INPP4B: variants seen among roughly 807,000 people sequenced by gnomAD.
The protein encoded by INPP4B is inositol polyphosphate-4-phosphatase type II B, also known as inositol polyphosphate 4-phosphatase type II.
INPP4B carries 55 observed loss-of-function variants against 122.5 expected under a neutral mutation model. That is an observed-to-expected ratio of 0.45 (90% confidence interval 0.36 to 0.56). The LOEUF (loss-of-function observed/expected upper bound fraction) is 0.56. INPP4B is among the 20% of genes least tolerant of loss of function. INPP4B has a pLI of 0.00. For synonymous variants in INPP4B, 403 were observed against 388.7 expected (o/e 1.04, Z -0.43); for missense variants, 1,000 against 1,097.7 (o/e 0.91, Z 1.26).
intron 2 of INPP4B, among the ~76,000 whole-genome samples, chr4:142,562,095 G>C (rs577626678): frequency 5.5e-4 from 83 of 152,194 alleles, no homozygotes; most frequent in African/African-American, 2.0e-3. Context: ...GAGGAAAGAA[G>C]GTTTTAACAT....
At chr4:142,524,975 A>G (rs1204671215) in intron 2 of INPP4B, among the ~76,000 whole-genome samples, 1 of 152,192 alleles carries the variant, frequency 6.6e-6, no homozygotes, top group East Asian at 1.9e-4. Flanking sequence ...ACATGATTGT[A>G]TATCTAGAAA....
At chr4:142,280,830 T>C (rs540276688) in intron 9 of INPP4B, among the ~76,000 whole-genome samples, 9 of 152,122 alleles carry the variant, frequency 5.9e-5, no homozygotes, top group Middle Eastern at 3.4e-3. Flanking sequence ...ATTTCTGACA[T>C]TTACTTGGAA....
At chr4:142,721,258 A>C (rs143060250) in intron 2 of INPP4B, among the ~76,000 whole-genome samples, 445 of 152,238 alleles carry the variant, frequency 2.9e-3, no homozygotes, top group Middle Eastern at 0.02. Flanking sequence ...AGCTTTCCAA[A>C]TAACCATGAC....
At chr4:142,616,649 C>G (rs151013883) in intron 2 of INPP4B, among the ~76,000 whole-genome samples, 1 of 152,196 alleles carries the variant, frequency 6.6e-6, no homozygotes, top group Admixed American at 6.5e-5. Flanking sequence ...CATCTTTTCA[C>G]GTGCAGCATT....
At chr4:142,439,370 A>C (rs1811217193) in intron 3 of INPP4B, among the ~76,000 whole-genome samples, 1 of 151,748 alleles carries the variant, frequency 6.6e-6, no homozygotes, top group African/African-American at 2.4e-5. Context: ...CTGCTCTCTC[A>C]CCTTTATCCT....
intron 21 of INPP4B, among the ~76,000 whole-genome samples, chr4:142,117,615 T>A (rs6811160): frequency 0.13 from 20,161 of 152,096 alleles, 1,505 homozygotes; most frequent in East Asian, 0.24. Flanking sequence ...TTCAACAGCC[T>A]TTCATGATAA....
intron 1 of INPP4B, among the ~76,000 whole-genome samples, chr4:142,809,505 G>T (rs554757916): frequency 3.9e-5 from 6 of 152,152 alleles, no homozygotes; most frequent in African/African-American, 7.2e-5. Context: ...GATGCTCCAG[G>T]TACCTCTATA....
At chr4:142,223,305 C>A (rs534841567) in intron 12 of INPP4B, among the ~76,000 whole-genome samples, 13 of 151,896 alleles carry the variant, frequency 8.6e-5, no homozygotes, top group African/African-American at 3.1e-4. Flanking sequence ...GTGGTATAAT[C>A]AAAAAATAAA....
chr4:142,511,939 T>C (rs2149871467), intron 2 of INPP4B, among the ~76,000 whole-genome samples: 1 of 152,304 alleles, frequency 6.6e-6, no homozygotes, highest in Middle Eastern at 3.4e-3. Flanking sequence ...CTTGCAATAC[T>C]CCAGCAAAAC....
At chr4:142,567,323 T>G (rs1464945776) in intron 2 of INPP4B, among the ~76,000 whole-genome samples, 1 of 152,092 alleles carries the variant, frequency 6.6e-6, no homozygotes, top group Non-Finnish European at 1.5e-5. Context: ...ACACACTGGG[T>G]CCGAGAGCAC....
At chr4:142,556,311 C>T (rs9968280) in intron 2 of INPP4B, among the ~76,000 whole-genome samples, 2,479 of 152,288 alleles carry the variant, frequency 0.016, 55 homozygotes, top group African/African-American at 0.056. Flanking sequence ...GGGAACAACA[C>T]CACATCACTC....
chr4:142,223,758 T>C (rs551248530), intron 12 of INPP4B, among the ~76,000 whole-genome samples: 1 of 152,150 alleles, frequency 6.6e-6, no homozygotes, highest in Non-Finnish European at 1.5e-5. Context: ...GCATCAACAT[T>C]GCATAAAGAA....
Position 142,479,910 on chromosome 4 carries a change from T to A in INPP4B, c.-190-17184A>T, listed in dbSNP as rs147796471. 3.1e-3 allele frequency among the ~76,000 whole-genome samples: 479 copies of A among 152,220 alleles called. 3 individuals carry two copies. The highest frequency in any genetic ancestry group is 0.011 in the African/African-American group (457 of 41,540). On this transcript the variant is annotated intron_variant, in intron 2 of 25. Coordinates refer to ENST00000262992, the MANE Select transcript of INPP4B (RefSeq NM_001101669.3). ...ATCTGTACACCAAAACCCCTTGGAATGTACTTTATCTATATAACACTGCGC... is the reference window on the plus strand; with the variant it reads ...ATCTGTACACCAAAACCCCTTGGAAAGTACTTTATCTATATAACACTGCGC...
At chr4:142,329,172 C>T (rs2635428) in intron 7 of INPP4B, among the ~76,000 whole-genome samples, 74,395 of 152,088 alleles carry the variant, frequency 0.49, 18,290 homozygotes, top group Non-Finnish European at 0.52. Flanking sequence ...TATTAAAATA[C>T]GGTAATAAAA....
intron 15 of INPP4B, among the ~76,000 whole-genome samples, chr4:142,189,719 C>T (rs1048258328): frequency 2.6e-5 from 4 of 152,090 alleles, no homozygotes; most frequent in Non-Finnish European, 4.4e-5. Flanking sequence ...GGTATAAATA[C>T]ATGAAGCCCA....
At chr4:142,537,360 A>G (rs1221888923) in intron 2 of INPP4B, among the ~76,000 whole-genome samples, 6 of 145,790 alleles carry the variant, frequency 4.1e-5, no homozygotes, top group African/African-American at 1.5e-4. Context: ...AACAAAACAG[A>G]AAAAAAACCA....
At chr4:142,215,660 G>A (rs1040846881) in intron 12 of INPP4B, among the ~76,000 whole-genome samples, 6 of 151,862 alleles carry the variant, frequency 4.0e-5, no homozygotes, top group Non-Finnish European at 7.4e-5. Flanking sequence ...TTGGGAGGCC[G>A]AGGCGGGCAG....
chr4:142,427,232 T>C (rs1190890810), intron 5 of INPP4B: 1 of 264,486 alleles, frequency 3.8e-6, no homozygotes, highest in African/African-American at 2.2e-5. Flanking sequence ...ACCTAACAGT[T>C]TGGGGACTGT....
chr4:142,719,521 G>A (rs1035477621), intron 2 of INPP4B, among the ~76,000 whole-genome samples: 11 of 151,616 alleles, frequency 7.3e-5, no homozygotes, highest in Non-Finnish European at 8.8e-5. Flanking sequence ...ATGGGGTTTC[G>A]CGATGTTGCC....
Sources: allele counts gnomAD v4.1 joint callset (sites outside exome capture counted in the v4.1 genomes callset), GRCh38; gene constraint gnomAD v4.1.1; transcripts MANE v1.5; gene names NCBI Gene and HGNC (gene_info 2026-07-23, HGNC 2026-07-21).